PAFAH1B1: variants seen among roughly 807,000 people sequenced by gnomAD.
PAFAH1B1 encodes the protein platelet-activating factor acetylhydrolase IB subunit beta.
In PAFAH1B1, 2 loss-of-function variants were observed where a neutral mutation model predicts 57.5. The observed-to-expected ratio is 0.03, with a 90% confidence interval of 0.01 to 0.11. The LOEUF is 0.11. Among genes scored for constraint, PAFAH1B1 ranks in the 10% least tolerant of loss-of-function variants. The pLI, the probability that PAFAH1B1 is intolerant of heterozygous loss-of-function variation, is 1.00. For synonymous variants in PAFAH1B1, 152 were observed against 169.6 expected (o/e 0.90, Z 0.81); for missense variants, 257 against 512.0 (o/e 0.50, Z 4.81).
At chr17:2,676,971 G>T (rs6502460) in intron 9 of PAFAH1B1, among the ~76,000 whole-genome samples, 129,354 of 152,044 alleles carry the variant, frequency 0.85, 56,026 homozygotes, top group East Asian at 0.93. Context: ...GCTAACTTGG[G>T]GAAATCCCGT....
rs1054236625 is a variant in PAFAH1B1 at position 2,684,227 on chromosome 17, G to A, written c.*2425G>A. 2.6e-5 allele frequency: 4 copies of A among 152,640 alleles called. No individual in the cohort carries two copies. Among genetic ancestry groups the A allele is most frequent in the African/African-American group, 7.2e-5 (3 of 41,436 alleles). The allele number at this position is 152,640 out of a possible 1,614,324, so 9.5% of individuals were successfully genotyped here. A position where few individuals can be genotyped will look rare whatever the true frequency, so the allele number is the denominator to read the frequency against. On this transcript the variant is annotated 3_prime_UTR_variant, in exon 11 of 11. Transcript: ENST00000397195. ...CCCTGTTTAATAACGAAGGGGTGGG[G>A]GAGAGCAGTCCGTCTACAACCTGGA...
chr17:2,660,081 C>T (rs1205170733), intron 2 of PAFAH1B1, among the ~76,000 whole-genome samples: 1 of 152,112 alleles, frequency 6.6e-6, no homozygotes, highest in Non-Finnish European at 1.5e-5. Context: ...ATGCTTGATA[C>T]TGCCTGGTCT....
At chr17:2,657,253 T>A (rs866077499) in intron 2 of PAFAH1B1, among the ~76,000 whole-genome samples, 12 of 152,146 alleles carry the variant, frequency 7.9e-5, no homozygotes, top group African/African-American at 2.7e-4. Flanking sequence ...AATTTGTTTC[T>A]GTTTTTTGAG....
intron 2 of PAFAH1B1, among the ~76,000 whole-genome samples, chr17:2,653,519 G>T (rs2068895601): frequency 6.6e-6 from 1 of 152,026 alleles, no homozygotes; most frequent in African/African-American, 2.4e-5. Flanking sequence ...CTTTCAAACA[G>T]GTATTTTCCA....
rs1032805011 is a variant in PAFAH1B1 at position 2,662,423 on chromosome 17, T to TGTGTGA, written c.33-2948_33-2947insTGTGAG. On this transcript the variant is annotated intron_variant, in intron 2 of 10. Transcript: ENST00000397195. ...GTGTGTGTGTGTGTGTGTGTGTGTG[T>TGTGTGA]GACGGAGTTTCACTCTGTCATCCAG... 1.5e-4 allele frequency among the ~76,000 whole-genome samples: 22 copies of TGTGTGA among 144,078 alleles called. No homozygotes were observed. The East Asian group carries it at 2.4e-3, about 16-fold the overall frequency. 94.5% of individuals were successfully genotyped at this position (144,078 alleles called of 152,430 possible).
Position 2,682,789 on chromosome 17 carries a change from A to T in PAFAH1B1, c.*987A>T, listed in dbSNP as rs536220187. 8.8e-4 allele frequency: 134 copies of T among 152,868 alleles called. No individual in the cohort carries two copies. The highest frequency in any genetic ancestry group is 3.2e-3 in the African/African-American group (132 of 41,592). 9.5% of individuals were successfully genotyped at this position (152,868 alleles called of 1,614,324 possible). ...GGAATACAGCAGTTTGTTTTTCAAC[A>T]TGAATCTGATATTGATTTAAACTGT... On this transcript the variant is annotated 3_prime_UTR_variant, in exon 11 of 11. Coordinates refer to ENST00000397195, the MANE Select transcript of PAFAH1B1 (RefSeq NM_000430.4).
upstream of PAFAH1B1, among the ~76,000 whole-genome samples, chr17:2,593,583 G>A (rs945729150): frequency 2.3e-4 from 35 of 149,118 alleles, no homozygotes; most frequent in African/African-American, 8.1e-4. Context: ...TCTTCCTGGC[G>A]GGTCTGGGGC....
intron 1 of PAFAH1B1, among the ~76,000 whole-genome samples, chr17:2,637,548 C>G (rs1330963824): frequency 6.6e-6 from 1 of 152,112 alleles, no homozygotes; most frequent in Non-Finnish European, 1.5e-5. Context: ...CATGCCACTG[C>G]ACTCCAACCT....
intron 1 of PAFAH1B1, among the ~76,000 whole-genome samples, chr17:2,624,878 CAGT>C (rs1319764363): frequency 6.6e-6 from 1 of 152,172 alleles, no homozygotes; most frequent in Non-Finnish European, 1.5e-5. Context: ...TGGCAAGTGA[CAGT>C]TTGAGGTTAG....
At chr17:2,659,716 A>G (rs960121631) in intron 2 of PAFAH1B1, among the ~76,000 whole-genome samples, 5 of 151,940 alleles carry the variant, frequency 3.3e-5, no homozygotes, top group African/African-American at 4.8e-5. Flanking sequence ...GCTCACCTGT[A>G]ATCCCAGCTA....
chr17:2,633,997 G>A (rs11078280), intron 1 of PAFAH1B1, among the ~76,000 whole-genome samples: 41,299 of 139,084 alleles, frequency 0.3, 6,023 homozygotes, highest in Middle Eastern at 0.37. Context: ...AGGTTGGTTC[G>A]CTTCAGAACT....
At chr17:2,662,942 C>T (rs1179533364) in intron 2 of PAFAH1B1, among the ~76,000 whole-genome samples, 6 of 152,076 alleles carry the variant, frequency 3.9e-5, no homozygotes, top group African/African-American at 7.2e-5. Context: ...GGAGAAACCC[C>T]GTCTCTACTA....
chr17:2,646,427 T>C (rs551448169), intron 2 of PAFAH1B1, among the ~76,000 whole-genome samples: 105 of 95,144 alleles, frequency 1.1e-3, no homozygotes, highest in African/African-American at 2.8e-3. Context: ...CTGGGCGCAG[T>C]GGATCACTTG....
chr17:2,633,688 T>C (rs1437834666), intron 1 of PAFAH1B1, among the ~76,000 whole-genome samples: 2 of 152,206 alleles, frequency 1.3e-5, no homozygotes, highest in Non-Finnish European at 2.9e-5. Context: ...TCATCAAGGT[T>C]ATCAACGAAC....
intron 2 of PAFAH1B1, chr17:2,640,430 T>A (rs1239176045): frequency 6.7e-6 from 1 of 148,550 alleles, no homozygotes; most frequent in Non-Finnish European, 1.5e-5. Context: ...TGTTTTAAAA[T>A]AGAGTATTTC....
chr17:2,659,053 C>G (rs533570026), intron 2 of PAFAH1B1, among the ~76,000 whole-genome samples: 22 of 151,904 alleles, frequency 1.4e-4, no homozygotes, highest in African/African-American at 4.8e-4. Context: ...GAATTCAAGA[C>G]CACCCTGGCC....
At chr17:2,666,395 A>G (rs968625646) in intron 4 of PAFAH1B1, among the ~76,000 whole-genome samples, 21 of 152,200 alleles carry the variant, frequency 1.4e-4, no homozygotes, top group African/African-American at 4.3e-4. Context: ...TAATGCTGGG[A>G]AAAGAACACT....
Position 2,610,394 on chromosome 17 carries a change from A to T in PAFAH1B1, c.-191+16388A>T, listed in dbSNP as rs531586911. ...AATTTTCTTCCTACAGGCAGAGCAC[A>T]GATTTGACTCTGAGCTTTCTAGGAA... On this transcript the variant is annotated intron_variant, in intron 1 of 10. Coordinates refer to ENST00000397195, the MANE Select transcript of PAFAH1B1 (RefSeq NM_000430.4). Among the ~76,000 whole-genome samples the T allele has an allele frequency of 2.6e-4, 39 of 152,372 alleles. 1 individual carries two copies. Among genetic ancestry groups the T allele is most frequent in the African/African-American group, 8.7e-4 (36 of 41,588 alleles).
At position 2,645,454 on chromosome 17, in the gene PAFAH1B1, G is replaced by A. The variant is rs1207596131; in HGVS notation, c.32+7134G>A. 2.6e-5 allele frequency among the ~76,000 whole-genome samples: 4 copies of A among 151,560 alleles called. No homozygotes were observed. The East Asian group carries it at 5.9e-4, about 22-fold the overall frequency. Reference sequence around the variant, plus strand: ...CTAAAAATGCAAAAATTAGCTGGGCGTGATAGCGCATGCCTGTAATCCCAG... The same window carrying A: ...CTAAAAATGCAAAAATTAGCTGGGCATGATAGCGCATGCCTGTAATCCCAG... On this transcript the variant is annotated intron_variant, in intron 2 of 10. Coordinates refer to ENST00000397195, the MANE Select transcript of PAFAH1B1 (RefSeq NM_000430.4).
Sources: gnomAD v4.1 joint callset for allele counts (sites outside exome capture counted in the v4.1 genomes callset) on GRCh38, gnomAD v4.1.1 for gene constraint, MANE v1.5 for transcripts, NCBI Gene and HGNC (gene_info 2026-07-23, HGNC 2026-07-21) for gene names.